Variants in MILR1 observed in about 807,000 individuals in gnomAD.
MILR1 encodes allergin-1.
In MILR1, 31 loss-of-function variants were observed where a neutral mutation model predicts 18.5. The observed-to-expected ratio is 1.68, with a 90% confidence interval of 1.26 to 2.26. The LOEUF (loss-of-function observed/expected upper bound fraction) is 2.26, where lower values mean the gene tolerates loss of function less well. Ranked by LOEUF, MILR1 falls within the 30% of genes most tolerant of loss-of-function variation. The pLI, the probability that MILR1 is intolerant of heterozygous loss-of-function variation, is 0.00. For missense variants in MILR1, 257 were observed against 157.4 expected (o/e 1.63, Z -3.38); for synonymous variants, 85 against 56.2 (o/e 1.51, Z -2.30).
At chr17:64,492,882 C>A in the MILR1 span, 13 of 1,613,780 alleles carry the variant, frequency 8.1e-6, no homozygotes, top group Middle Eastern at 5.0e-4. Flanking sequence ...AAGTTATTTG[C>A]CACTTTTTAT....
At chr17:64,449,467 C>T (rs1207962058) in intron 2 of MILR1, 112 bp downstream of exon 2, 7 of 411,820 alleles carry the variant, frequency 1.7e-5, no homozygotes, top group Admixed American at 4.4e-5. Flanking sequence ...TTATGAACAA[C>T]CAAAGAACAG....
chr17:64,486,685 T>C, the MILR1 span, among the ~76,000 whole-genome samples: 3 of 152,094 alleles, frequency 2.0e-5, no homozygotes, highest in Admixed American at 2.0e-4. Context: ...CACTTTTAAG[T>C]AAAAATTGTT....
Position 64,465,474 on chromosome 17 carries a change from G to C in MILR1, c.786G>C (p.Val262=). The change falls in exon 6 of 10, where the codon GTG becomes GTC. Residue 262 remains valine, a synonymous_variant. Transcript: ENST00000619286. The stretch of plus-strand genomic sequence containing the variant: ...TAGGAAAAGCTATGAGAAATAATGT[G>C]CCCAGGGACCGTGGAGACACAGCCA... ...YKTRKAMRNN[V]PRDRGDTAME... 1 of 1,609,450 alleles carries C rather than the reference G, an allele frequency of 6.2e-7. No homozygotes were observed. The highest frequency in any genetic ancestry group is 1.1e-5 in the South Asian group (1 of 89,906).
chr17:64,490,665 A>G, the MILR1 span: 4 of 717,600 alleles, frequency 5.6e-6, no homozygotes, highest in Non-Finnish European at 1.0e-5. Flanking sequence ...TATGTAGGTG[A>G]GTGTCTCTGC....
the MILR1 span, chr17:64,481,216 C>G: frequency 2.2e-6 from 2 of 922,694 alleles, no homozygotes; most frequent in Non-Finnish European, 2.6e-6. Flanking sequence ...AGCTTCCTAG[C>G]TTATAAGGGT....
At chr17:64,482,902 AAACTCATTT>A in the MILR1 span, 50 of 1,352,358 alleles carry the variant, frequency 3.7e-5, no homozygotes, top group African/African-American at 9.5e-5. Context: ...AATGACATTT[AAACTCATTT>A]AACTCACCTG....
At chr17:64,478,535 C>T in the MILR1 span, among the ~76,000 whole-genome samples, 47 of 152,276 alleles carry the variant, frequency 3.1e-4, no homozygotes, top group African/African-American at 1.1e-3. Context: ...CTTTGTAGGA[C>T]TCCATCAGAA....
the MILR1 span, chr17:64,480,209 A>G: frequency 2.4e-6 from 1 of 412,082 alleles, no homozygotes; most frequent in South Asian, 4.0e-5. Context: ...TAAATTTAGA[A>G]GAGATTTGTT....
the MILR1 span, among the ~76,000 whole-genome samples, chr17:64,491,949 A>G: frequency 6.6e-6 from 1 of 151,850 alleles, no homozygotes; most frequent in Non-Finnish European, 1.5e-5. Context: ...CAAAAAAAAA[A>G]CCAAAAACAG....
chr17:64,470,565 C>A (rs1438990048), downstream of MILR1, among the ~76,000 whole-genome samples: 2 of 152,158 alleles, frequency 1.3e-5, no homozygotes, highest in Non-Finnish European at 1.5e-5. Context: ...CAAGAGCGCT[C>A]GCGGGCATTG....
chr17:64,488,342 C>A, the MILR1 span, among the ~76,000 whole-genome samples: 4 of 152,022 alleles, frequency 2.6e-5, no homozygotes, highest in African/African-American at 9.7e-5. Context: ...AGAAAAGGAA[C>A]AATGTCATGG....
the MILR1 span, among the ~76,000 whole-genome samples, chr17:64,494,266 T>C: frequency 5.3e-5 from 8 of 152,220 alleles, no homozygotes; most frequent in African/African-American, 1.9e-4. Flanking sequence ...CGGCTAATCA[T>C]TTTTAGCAAA....
At chr17:64,460,754 C>G in intron 4 of MILR1, 68 bp from the exon 5 acceptor site, 1 of 465,850 alleles carries the variant, frequency 2.1e-6, no homozygotes, top group Admixed American at 3.2e-5. Context: ...TTTTCTAAAA[C>G]ACTTACTGGC....
chr17:64,477,645 T>G, the MILR1 span: 1 of 741,866 alleles, frequency 1.3e-6, no homozygotes, highest in Admixed American at 3.6e-5. Context: ...TAGATTTTTG[T>G]TTCTTGTAGC....
downstream of MILR1, among the ~76,000 whole-genome samples, chr17:64,473,366 A>G (rs914128925): frequency 1.0e-5 from 1 of 97,436 alleles, no homozygotes; most frequent in Non-Finnish European, 1.8e-5. Context: ...AAAAAAAAAA[A>G]GAAGAAGTTA....
At chr17:64,479,186 T>G in the MILR1 span, among the ~76,000 whole-genome samples, 3 of 150,024 alleles carry the variant, frequency 2.0e-5, no homozygotes, top group African/African-American at 7.3e-5. Flanking sequence ...GAAAGGTGTT[T>G]TTTTTTTTTT....
chr17:64,458,175 CTCCT>C (rs1266889377), intron 4 of MILR1, among the ~76,000 whole-genome samples: 25 of 137,652 alleles, frequency 1.8e-4, no homozygotes, highest in East Asian at 1.2e-3. Context: ...CCTTCCTTCC[CTCCT>C]TCCTTCCTTC....
chr17:64,457,907 G>A (rs906859630), intron 4 of MILR1, among the ~76,000 whole-genome samples: 1 of 152,118 alleles, frequency 6.6e-6, no homozygotes, highest in Non-Finnish European at 1.5e-5. Context: ...ATCACTTGAA[G>A]GGTCTCTTTG....
chr17:64,481,511 T>A, the MILR1 span: 1 of 557,722 alleles, frequency 1.8e-6, no homozygotes, highest in Non-Finnish European at 2.3e-6. Context: ...TAGAACAAAT[T>A]AGAAAAATCA....
Sources: gnomAD v4.1 joint callset for allele counts (sites outside exome capture counted in the v4.1 genomes callset) on GRCh38, gnomAD v4.1.1 for gene constraint, MANE v1.5 for transcripts, NCBI Gene and HGNC (gene_info 2026-07-23, HGNC 2026-07-21) for gene names.